Variants in TRIO observed in about 807,000 individuals in gnomAD.
The protein encoded by TRIO is trio Rho guanine nucleotide exchange factor.
Under a neutral mutation model 351.9 loss-of-function variants are expected in TRIO, and 58 were observed. The ratio of observed to expected loss-of-function variants is 0.16; its 90% CI spans 0.13 to 0.21. The LOEUF (loss-of-function observed/expected upper bound fraction) is 0.21, where lower values mean the gene tolerates loss of function less well. Ranked by LOEUF, TRIO falls within the 10% of genes least tolerant of loss-of-function variation. The pLI is 1.00. For missense variants in TRIO, 3,201 were observed against 4,027.8 expected, an observed-to-expected ratio of 0.79 and a Z score of 5.56; for synonymous variants, 1,758 against 1,595.7, an observed-to-expected ratio of 1.10 and a Z score of -2.42.
intron 6 of TRIO, among the ~76,000 whole-genome samples, chr5:14,295,162 A>G (rs1175336250): frequency 3.3e-5 from 5 of 152,154 alleles, no homozygotes; most frequent in Admixed American, 3.3e-4. Context: ...TCTGCTCGCT[A>G]TAGTGTTTTG....
At chr5:14,480,395 AT>A (rs371013187) in intron 43 of TRIO, among the ~76,000 whole-genome samples, 2 of 152,186 alleles carry the variant, frequency 1.3e-5, no homozygotes, top group East Asian at 1.9e-4. Flanking sequence ...GTAAAAGTGA[AT>A]TTTTTTTCCC....
chr5:14,456,860 A>G (rs1255714669), intron 34 of TRIO, among the ~76,000 whole-genome samples: 1 of 152,240 alleles, frequency 6.6e-6, no homozygotes, highest in African/African-American at 2.4e-5. Flanking sequence ...GCTAAAAATA[A>G]TAGATATGTT....
intron 1 of TRIO, among the ~76,000 whole-genome samples, chr5:14,268,009 C>T (rs1446758869): frequency 6.6e-6 from 1 of 152,174 alleles, no homozygotes; most frequent in Non-Finnish European, 1.5e-5. Flanking sequence ...GTACCTACAT[C>T]GCAATAAAAG....
rs1251487489 is a variant in TRIO, at chr5:14,509,475, C to G, written c.*1053C>G. On this transcript the variant is annotated 3_prime_UTR_variant, in exon 57 of 57. Coordinates refer to ENST00000344204, the MANE Select transcript of TRIO (RefSeq NM_007118.4). ...TCGTGAAATTTGTTGGTTTTGAGGA[C>G]TGTAAAAGTGATTTCATACTCTGAA... The G allele has an allele frequency of 4.4e-6, 2 of 457,910 alleles. No homozygotes were observed. The highest frequency in any genetic ancestry group is 1.6e-5 in the South Asian group (1 of 64,168). The allele number at this position is 457,910 out of a possible 1,614,324, so 28.4% of individuals were successfully genotyped here.
At chr5:14,457,470 T>G (rs1753438277) in intron 34 of TRIO, among the ~76,000 whole-genome samples, 1 of 145,024 alleles carries the variant, frequency 6.9e-6, no homozygotes, top group Non-Finnish European at 1.5e-5. Flanking sequence ...GCAGGAAATC[T>G]CTTTCGAACC....
intron 2 of TRIO, among the ~76,000 whole-genome samples, chr5:14,279,516 A>G (rs887357180): frequency 6.6e-6 from 1 of 152,232 alleles, no homozygotes; most frequent in African/African-American, 2.4e-5. Context: ...TGAGAAGGCT[A>G]AATTTTCTTC....
intron 34 of TRIO, among the ~76,000 whole-genome samples, chr5:14,455,575 C>G (rs987936592): frequency 6.6e-6 from 1 of 151,340 alleles, no homozygotes; most frequent in African/African-American, 2.4e-5. Flanking sequence ...ACTAGATTAG[C>G]TAGACACAGA....
chr5:14,283,826 A>G (rs1008901745), intron 3 of TRIO, among the ~76,000 whole-genome samples: 1 of 152,078 alleles, frequency 6.6e-6, no homozygotes, highest in Non-Finnish European at 1.5e-5. Flanking sequence ...ATTTGCAATG[A>G]AACTTTCCAC....
chr5:14,412,404 A>G (rs1749282581), intron 33 of TRIO, among the ~76,000 whole-genome samples: 1 of 152,228 alleles, frequency 6.6e-6, no homozygotes, highest in Non-Finnish European at 1.5e-5. Flanking sequence ...GTAGTATGTA[A>G]AGTAGTTAAT....
intron 12 of TRIO, among the ~76,000 whole-genome samples, chr5:14,359,120 C>G (rs1743896843): frequency 1.3e-5 from 2 of 152,158 alleles, no homozygotes; most frequent in South Asian, 4.1e-4. Context: ...AGCCTTCTTA[C>G]CAAGTGATTT....
At chr5:14,296,503 G>A (rs1389618717) in intron 6 of TRIO, among the ~76,000 whole-genome samples, 2 of 152,192 alleles carry the variant, frequency 1.3e-5, no homozygotes, top group Non-Finnish European at 2.9e-5. Flanking sequence ...TGAGCATAGC[G>A]TTGTTGTGTT....
At chr5:14,330,020 T>A in intron 9 of TRIO, among the ~76,000 whole-genome samples, 1 of 152,222 alleles carries the variant, frequency 6.6e-6, no homozygotes, top group East Asian at 1.9e-4. Context: ...GACCTGTGTA[T>A]TTCAAACCCA....
intron 34 of TRIO, among the ~76,000 whole-genome samples, chr5:14,449,736 T>C (rs1752705519): frequency 6.6e-6 from 1 of 152,230 alleles, no homozygotes; most frequent in Non-Finnish European, 1.5e-5. Context: ...TTTACTGTTA[T>C]CCACGATCAG....
At chr5:14,263,090 G>A (rs1037990898) in intron 1 of TRIO, among the ~76,000 whole-genome samples, 1 of 152,040 alleles carries the variant, frequency 6.6e-6, no homozygotes, top group Non-Finnish European at 1.5e-5. Context: ...TCCACACTTC[G>A]CACAGATCTT....
At chr5:14,494,487 C>T (rs986080294) in intron 49 of TRIO, among the ~76,000 whole-genome samples, 1 of 152,228 alleles carries the variant, frequency 6.6e-6, no homozygotes, top group Non-Finnish European at 1.5e-5. Context: ...CCTGGTCACC[C>T]AAGAGCTCCG....
intron 1 of TRIO, among the ~76,000 whole-genome samples, chr5:14,254,586 T>A (rs1794924863): frequency 3.9e-5 from 6 of 152,194 alleles, no homozygotes; most frequent in Non-Finnish European, 8.8e-5. Flanking sequence ...GCCATCTTTC[T>A]ACCGTTGGTC....
intron 40 of TRIO, 116 bp downstream of exon 40, chr5:14,474,213 G>A (rs766400804): frequency 8.3e-5 from 78 of 934,872 alleles, no homozygotes; most frequent in Non-Finnish European, 1.2e-4. Flanking sequence ...GTAGCCTCCT[G>A]GAGGGAGCTG....
At position 14,246,824 on chromosome 5, in the gene TRIO, C is replaced by T. The variant is rs1053945511; in HGVS notation, c.158-24001C>T. ...CTCTGCACCTGTCTCTCGGATTCTT[C>T]GGAGACACCCCCCACACCACCTCCT... On this transcript the variant is annotated intron_variant, in intron 1 of 56. Coordinates refer to ENST00000344204, the MANE Select transcript of TRIO (RefSeq NM_007118.4). 7.9e-5 allele frequency among the ~76,000 whole-genome samples: 12 copies of T among 152,310 alleles called. 1 individual carries two copies. In the South Asian group the frequency reaches 2.1e-3, roughly 26 times the overall value.
intron 33 of TRIO, among the ~76,000 whole-genome samples, chr5:14,415,559 A>G (rs1271922206): frequency 6.6e-6 from 1 of 152,230 alleles, no homozygotes; most frequent in Non-Finnish European, 1.5e-5. Context: ...TTCGTGCAAG[A>G]CAGTGATATG....
Sources: allele counts gnomAD v4.1 joint callset (sites outside exome capture counted in the v4.1 genomes callset), GRCh38; gene constraint gnomAD v4.1.1; transcripts MANE v1.5; gene names NCBI Gene and HGNC (gene_info 2026-07-23, HGNC 2026-07-21).